Variants in CSMD3 observed in about 807,000 individuals in gnomAD.
CSMD3 encodes the protein CUB and Sushi multiple domains 3, also known as CUB and sushi domain-containing protein 3.
In CSMD3, 177 loss-of-function variants were observed where a neutral mutation model predicts 435.2. The ratio of observed to expected loss-of-function variants is 0.41; its 90% CI spans 0.36 to 0.46. The LOEUF (loss-of-function observed/expected upper bound fraction) is 0.46, where lower values mean the gene tolerates loss of function less well. CSMD3 is among the 20% of genes least tolerant of loss of function. The probability of loss-of-function intolerance (pLI) is 0.34; values close to 1 mark genes in which losing one functional copy is unlikely to be tolerated. For missense variants in CSMD3, 4,265 were observed against 4,504.6 expected (o/e 0.95, Z 1.52); for synonymous variants, 1,656 against 1,520.5 (o/e 1.09, Z -2.07).
chr8:112,404,524 T>TA lies in CSMD3; in HGVS notation c.5809+1999dup, dbSNP rs774206413. The stretch of plus-strand genomic sequence containing the variant: ...GCCTGAGTGACAGGGTGAGACTCCA[T>TA]AAAAAAAAAAAAAATTACATATCCT... On this transcript the variant is annotated intron_variant, in intron 35 of 70. Coordinates refer to ENST00000297405, the MANE Select transcript of CSMD3 (RefSeq NM_198123.2). 5.4e-3 allele frequency among the ~76,000 whole-genome samples: 744 copies of TA among 138,130 alleles called. 2 individuals carry two copies. Among genetic ancestry groups the TA allele is most frequent in the Middle Eastern group, 0.014 (4 of 276 alleles). 90.6% of individuals were successfully genotyped at this position (138,130 alleles called of 152,430 possible). A position where few individuals can be genotyped will look rare whatever the true frequency, so the allele number is the denominator to read the frequency against.
At chr8:113,380,021 C>T (rs547535543) in intron 1 of CSMD3, among the ~76,000 whole-genome samples, 4 of 152,244 alleles carry the variant, frequency 2.6e-5, no homozygotes, top group African/African-American at 9.6e-5. Flanking sequence ...TAATTCACTT[C>T]CCACCTCACT....
At chr8:113,370,601 C>T (rs2094341218) in intron 1 of CSMD3, among the ~76,000 whole-genome samples, 1 of 151,892 alleles carries the variant, frequency 6.6e-6, no homozygotes, top group Non-Finnish European at 1.5e-5. Flanking sequence ...TGCACCCACT[C>T]TAGGTTATTG....
intron 3 of CSMD3, among the ~76,000 whole-genome samples, chr8:113,223,277 T>C (rs1251485405): frequency 6.6e-6 from 1 of 150,682 alleles, no homozygotes; most frequent in Non-Finnish European, 1.5e-5. Context: ...AAATTTACTA[T>C]AAATTAATTT....
chr8:112,461,709 C>T (rs575970442), intron 32 of CSMD3, among the ~76,000 whole-genome samples: 5 of 151,694 alleles, frequency 3.3e-5, no homozygotes, highest in South Asian at 2.1e-4. Flanking sequence ...ACGGATATTC[C>T]GATGCATTAA....
intron 24 of CSMD3, among the ~76,000 whole-genome samples, chr8:112,572,141 C>T (rs1010743581): frequency 6.6e-6 from 1 of 151,888 alleles, no homozygotes; most frequent in African/African-American, 2.4e-5. Flanking sequence ...AATATCATTA[C>T]AATATTGATA....
intron 10 of CSMD3, among the ~76,000 whole-genome samples, chr8:112,920,997 G>GCGCGCA (rs1458338482): frequency 1.7e-5 from 2 of 114,966 alleles, no homozygotes; most frequent in African/African-American, 6.0e-5. Flanking sequence ...ACGCGCGCGC[G>GCGCGCA]CACACACACA....
At chr8:113,388,676 C>T (rs1371163613) in intron 1 of CSMD3, among the ~76,000 whole-genome samples, 2 of 151,544 alleles carry the variant, frequency 1.3e-5, no homozygotes, top group Non-Finnish European at 3.0e-5. Flanking sequence ...ATAAAAAATT[C>T]AATCTAAAGA....
rs1586221441 is a variant in CSMD3, at chr8:112,407,223, C to T, written c.5606-496G>A. On this transcript the variant is annotated intron_variant, in intron 34 of 70. Coordinates refer to ENST00000297405, the MANE Select transcript of CSMD3 (RefSeq NM_198123.2). ...AATTTCACAAACTTAATTTCAAACA[C>T]ATTTGCTATTGAGAAAGATAACTAC... Among the ~76,000 whole-genome samples the T allele has an allele frequency of 2.0e-5, 3 of 151,958 alleles. No individual in the cohort carries two copies. The South Asian group carries it at 6.2e-4, about 32-fold the overall frequency.
chr8:112,666,420 A>G lies in CSMD3; in HGVS notation c.2678-5T>C. 6.2e-7 allele frequency: 1 copy of G among 1,611,422 alleles called. No homozygotes were observed. Among genetic ancestry groups the G allele is most frequent in the Non-Finnish European group, 8.5e-7 (1 of 1,178,416 alleles). On this transcript the variant is annotated splice_region_variant and splice_polypyrimidine_tract_variant and intron_variant, in intron 16 of 70. Transcript: ENST00000297405. ...AAAAATGGCCACCACATGGGGCTGA[A>G]AAATTAAATCAGACAAGTAAGAATA... is the stretch of plus-strand genomic sequence containing the variant.
At chr8:112,761,576 G>A (rs1352578895) in intron 13 of CSMD3, among the ~76,000 whole-genome samples, 4 of 151,976 alleles carry the variant, frequency 2.6e-5, no homozygotes, top group Non-Finnish European at 5.9e-5. Flanking sequence ...TCTGGCTCTT[G>A]TAATTTGTAT....
intron 27 of CSMD3, among the ~76,000 whole-genome samples, chr8:112,548,189 G>A (rs1341550478): frequency 1.3e-5 from 2 of 152,096 alleles, no homozygotes; most frequent in Non-Finnish European, 2.9e-5. Flanking sequence ...GAACCAGAGA[G>A]GGCATCTGTC....
At chr8:112,955,151 A>G (rs990878831) in intron 7 of CSMD3, among the ~76,000 whole-genome samples, 2 of 151,706 alleles carry the variant, frequency 1.3e-5, no homozygotes, top group Non-Finnish European at 3.0e-5. Flanking sequence ...GAAGGATTTA[A>G]TAGGTTTGTT....
chr8:112,536,769 C>G (rs1199887444), intron 27 of CSMD3, among the ~76,000 whole-genome samples: 1 of 150,734 alleles, frequency 6.6e-6, no homozygotes, highest in Non-Finnish European at 1.5e-5. Context: ...GGAACCAACC[C>G]AAATGTCCAT....
At chr8:113,165,601 C>A (rs2092134028) in intron 4 of CSMD3, among the ~76,000 whole-genome samples, 1 of 151,812 alleles carries the variant, frequency 6.6e-6, no homozygotes, top group Admixed American at 6.6e-5. Flanking sequence ...AGGAATTGCA[C>A]AGAAAGAGAA....
At chr8:113,431,624 T>G (rs745606020) in intron 1 of CSMD3, among the ~76,000 whole-genome samples, 10 of 152,240 alleles carry the variant, frequency 6.6e-5, no homozygotes, top group Non-Finnish European at 1.3e-4. Flanking sequence ...TTGGAACACA[T>G]GAAGAAGTAT....
chr8:112,831,350 G>A (rs538210398), intron 11 of CSMD3, among the ~76,000 whole-genome samples: 1 of 146,062 alleles, frequency 6.8e-6, no homozygotes, highest in Admixed American at 6.9e-5. Flanking sequence ...GCTACTATAA[G>A]CAACATGGTC....
intron 27 of CSMD3, among the ~76,000 whole-genome samples, chr8:112,522,931 A>G (rs78456881): frequency 0.01 from 1,558 of 152,046 alleles, 10 homozygotes; most frequent in Non-Finnish European, 0.017. Context: ...GTAGTTTTCA[A>G]CTGAAATATG....
At chr8:112,896,888 C>T (rs2081964859) in intron 10 of CSMD3, among the ~76,000 whole-genome samples, 2 of 151,320 alleles carry the variant, frequency 1.3e-5, no homozygotes, top group African/African-American at 2.4e-5. Flanking sequence ...CCTATAAAAA[C>T]CTGCCTCATC....
At chr8:113,408,617 C>T (rs948374224) in intron 1 of CSMD3, among the ~76,000 whole-genome samples, 4 of 150,052 alleles carry the variant, frequency 2.7e-5, no homozygotes, top group East Asian at 1.9e-4. Context: ...AAGAAGCATG[C>T]GCACAGTTAC....
Sources: allele counts gnomAD v4.1 joint callset (sites outside exome capture counted in the v4.1 genomes callset), GRCh38; gene constraint gnomAD v4.1.1; transcripts MANE v1.5; gene names NCBI Gene and HGNC (gene_info 2026-07-23, HGNC 2026-07-21).